Variants in STAG1 observed in about 807,000 individuals in gnomAD.
STAG1 encodes STAG1 cohesin complex component, also known as cohesin subunit SA-1.
In STAG1, 26 loss-of-function variants were observed where a neutral mutation model predicts 170.9. The ratio of observed to expected loss-of-function variants is 0.15; its 90% CI spans 0.11 to 0.21. STAG1 has a LOEUF of 0.21. Among genes scored for constraint, STAG1 ranks in the 10% least tolerant of loss-of-function variants. STAG1 has a pLI of 1.00. For missense variants in STAG1, 964 were observed against 1,509.5 expected (o/e 0.64, Z 5.99); for synonymous variants, 514 against 497.7 (o/e 1.03, Z -0.44).
At chr3:136,439,492 A>G (rs945614111) in intron 15 of STAG1, among the ~76,000 whole-genome samples, 1 of 150,648 alleles carries the variant, frequency 6.6e-6, no homozygotes, top group Admixed American at 6.7e-5. Context: ...TGATGTTGGT[A>G]GTCTGTCACA....
intron 1 of STAG1, among the ~76,000 whole-genome samples, chr3:136,634,616 A>G (rs1185755023): frequency 2.0e-5 from 3 of 150,700 alleles, no homozygotes; most frequent in African/African-American, 7.3e-5. Context: ...TTTTAGGGAA[A>G]AAAAAAAAAA....
chr3:136,725,494 G>A (rs577769754), intron 1 of STAG1, among the ~76,000 whole-genome samples: 75 of 152,246 alleles, frequency 4.9e-4, no homozygotes, highest in Non-Finnish European at 3.2e-4. Flanking sequence ...ATCTGTATTA[G>A]CAAGTTAAGT....
chr3:136,726,345 G>A (rs962730061), intron 1 of STAG1, among the ~76,000 whole-genome samples: 3 of 152,190 alleles, frequency 2.0e-5, no homozygotes, highest in Non-Finnish European at 4.4e-5. Flanking sequence ...ATTATTCCCA[G>A]TTGTGACAAT....
rs551751683 is a variant in STAG1 at position 136,400,478 on chromosome 3, C to T, written c.2197-1649G>A. ...TCAGGCAATCTGCCCACCTCTGCCT[C>T]CCAAAGTGCTAGGACCATAGGCGTG... On this transcript the variant is annotated intron_variant, in intron 21 of 33. Transcript: ENST00000383202. Among the ~76,000 whole-genome samples, 36 of 152,230 alleles carry T rather than the reference C, an allele frequency of 2.4e-4. No homozygotes were observed. In the South Asian group the frequency reaches 6.6e-3, roughly 28 times the overall value.
intron 1 of STAG1, among the ~76,000 whole-genome samples, chr3:136,679,682 T>C (rs1050202064): frequency 4.9e-5 from 7 of 141,902 alleles, no homozygotes; most frequent in Admixed American, 1.5e-4. Flanking sequence ...TGAGCCGAGA[T>C]AGTGCCACTG....
At chr3:136,750,658 A>T (rs144596428) in intron 1 of STAG1, among the ~76,000 whole-genome samples, 2 of 152,316 alleles carry the variant, frequency 1.3e-5, no homozygotes, top group Non-Finnish European at 2.9e-5. Flanking sequence ...AATTTAGTTT[A>T]CTCGAAGTAC....
In STAG1 at chr3:136,340,607, TG is replaced by T; in HGVS notation, c.3558-3del. The T allele has an allele frequency of 1.2e-6, 2 of 1,600,972 alleles. No homozygotes were observed. Among genetic ancestry groups the T allele is most frequent in the Non-Finnish European group, 1.7e-6 (2 of 1,167,998 alleles). On this transcript the variant is annotated splice_polypyrimidine_tract_variant and splice_region_variant and intron_variant, in intron 31 of 33. Coordinates refer to ENST00000383202, the MANE Select transcript of STAG1 (RefSeq NM_005862.3). ...GCATCTTCCTCCATTAGACCCCGAC[TG>T]GTAAGAAAAAGGTATTGTCAGAAAG...
At chr3:136,679,467 G>A (rs143311143) in intron 1 of STAG1, among the ~76,000 whole-genome samples, 1,677 of 152,174 alleles carry the variant, frequency 0.011, 27 homozygotes, top group East Asian at 0.047. Flanking sequence ...GGTGGCTCAC[G>A]CCTGTAATCC....
At chr3:136,373,202 T>C (rs1446372875) in intron 23 of STAG1, among the ~76,000 whole-genome samples, 1 of 152,234 alleles carries the variant, frequency 6.6e-6, no homozygotes, top group Non-Finnish European at 1.5e-5. Flanking sequence ...ATATCCCCTT[T>C]GTCATTTTTT....
At chr3:136,404,792 C>T (rs767187432) in intron 21 of STAG1, among the ~76,000 whole-genome samples, 6 of 151,764 alleles carry the variant, frequency 4.0e-5, no homozygotes, top group Non-Finnish European at 7.4e-5. Context: ...GTTTAGAAAA[C>T]TGAGTTTACC....
chr3:136,502,138 A>T (rs1055259038), intron 8 of STAG1, among the ~76,000 whole-genome samples: 6 of 152,128 alleles, frequency 3.9e-5, no homozygotes, highest in Middle Eastern at 3.4e-3. Context: ...AGATCGCACC[A>T]TTGCACTCGA....
rs1470842430 is a variant in STAG1 at position 136,452,020 on chromosome 3, A to T, written c.1428+13T>A. ...ATAAAAGAAATAAGGAATTATCTTAAAACATTTTTTACCTCACTTTCAAGA... is the reference window on the plus strand; with the variant it reads ...ATAAAAGAAATAAGGAATTATCTTATAACATTTTTTACCTCACTTTCAAGA... On this transcript the variant is annotated intron_variant, in intron 14 of 33. Coordinates refer to ENST00000383202, the MANE Select transcript of STAG1 (RefSeq NM_005862.3). 1.3e-6 allele frequency: 2 copies of T among 1,543,910 alleles called. No homozygotes were observed. Among genetic ancestry groups the T allele is most frequent in the Non-Finnish European group, 1.8e-6 (2 of 1,129,862 alleles).
chr3:136,375,163 G>T (rs1576403588), intron 23 of STAG1, among the ~76,000 whole-genome samples: 1 of 152,166 alleles, frequency 6.6e-6, no homozygotes, highest in East Asian at 1.9e-4. Context: ...TATCCTTGTT[G>T]TTAAGTGGTG....
In STAG1 at chr3:136,729,877, C is replaced by CTTTTTT. The variant is rs36212432; in HGVS notation, c.-84+22312_-84+22317dup. 5.1e-5 allele frequency among the ~76,000 whole-genome samples: 3 copies of CTTTTTT among 58,548 alleles called. 1 individual carries two copies. Among genetic ancestry groups the CTTTTTT allele is most frequent in the Non-Finnish European group, 9.0e-5 (3 of 33,518 alleles). 38.4% of individuals were successfully genotyped at this position (58,548 alleles called of 152,430 possible). A position where few individuals can be genotyped will look rare whatever the true frequency, so the allele number is the denominator to read the frequency against. On this transcript the variant is annotated intron_variant, in intron 1 of 33. Coordinates refer to ENST00000383202, the MANE Select transcript of STAG1 (RefSeq NM_005862.3). ...TACAGGCATGAGCCACCACGCCAGG[C>CTTTTTT]TTTTTTTTTTTTTTTTTTTTTTTTT...
chr3:136,700,640 G>T (rs989337810), intron 1 of STAG1, among the ~76,000 whole-genome samples: 1 of 150,546 alleles, frequency 6.6e-6, no homozygotes, highest in Non-Finnish European at 1.5e-5. Flanking sequence ...GGCTGGTCTC[G>T]AACTCCTGAC....
intron 1 of STAG1, among the ~76,000 whole-genome samples, chr3:136,729,878 T>C (rs897990540): frequency 2.0e-4 from 3 of 15,322 alleles, no homozygotes; most frequent in African/African-American, 3.4e-3. Context: ...CACGCCAGGC[T>C]TTTTTTTTTT....
At chr3:136,725,476 C>CA (rs548115493) in intron 1 of STAG1, among the ~76,000 whole-genome samples, 19 of 151,782 alleles carry the variant, frequency 1.3e-4, no homozygotes, top group East Asian at 5.8e-4. Context: ...CAGAAAGGCA[C>CA]AAAAAAAATC....
intron 1 of STAG1, among the ~76,000 whole-genome samples, chr3:136,679,637 G>A (rs1942265463): frequency 6.6e-6 from 1 of 151,830 alleles, no homozygotes; most frequent in Non-Finnish European, 1.5e-5. Flanking sequence ...GCTGATGCAG[G>A]AGAATGGCAT....
rs766625042 is a variant in STAG1 at position 136,367,059 on chromosome 3, T to C, written c.2569A>G (p.Asn857Asp). ...SMEGDEEDEANKIEALHKRRN... is the reference protein window; with the variant it reads ...SMEGDEEDEADKIEALHKRRN... The stretch of plus-strand genomic sequence containing the variant: ...CTTTTATGTAAGGCCTCAATTTTAT[T>C]AGCTTCATCTTCTTCATCACCCTCT... The change falls in exon 25 of 34, where the codon AAT becomes GAT. Residue 857 changes from asparagine (N) to aspartate (D), a missense_variant. Coordinates refer to ENST00000383202, the MANE Select transcript of STAG1 (RefSeq NM_005862.3). The C allele has an allele frequency of 1.9e-6, 3 of 1,610,276 alleles. No individual in the cohort carries two copies. Among genetic ancestry groups the C allele is most frequent in the Non-Finnish European group, 1.7e-6 (2 of 1,177,594 alleles).
Sources: allele counts gnomAD v4.1 joint callset (sites outside exome capture counted in the v4.1 genomes callset), GRCh38; gene constraint gnomAD v4.1.1; transcripts MANE v1.5; gene names NCBI Gene and HGNC (gene_info 2026-07-23, HGNC 2026-07-21).